ADAMTS16: variants seen among roughly 807,000 people sequenced by gnomAD.
The protein encoded by ADAMTS16 is A disintegrin and metalloproteinase with thrombospondin motifs 16.
A neutral mutation model predicts 145.8 loss-of-function variants in ADAMTS16; 94 were observed. The observed-to-expected ratio is 0.64, with a 90% CI of 0.55 to 0.77. The LOEUF is 0.77. ADAMTS16 is among the 30% of genes least tolerant of loss of function. The pLI is 0.00. For synonymous variants in ADAMTS16, 659 were observed against 604.3 expected (o/e 1.09, Z -1.33); for missense variants, 1,585 against 1,591.5 (o/e 1.00, Z 0.07).
chr5:5,268,060 G>C (rs565369012), intron 18 of ADAMTS16, among the ~76,000 whole-genome samples: 1 of 152,138 alleles, frequency 6.6e-6, no homozygotes, highest in African/African-American at 2.4e-5. Context: ...TTATGCCTCA[G>C]TTTGCCTGGC....
chr5:5,239,922 G>A lies in ADAMTS16; in HGVS notation c.2520G>A (p.Val840=). ...ATGPTNETLI[V]ELLFQGRNPG... is the part of the protein sequence containing the mutation. ...GACCAACCAACGAGACACTGATTGTGGAGGTAAAGTCCAGCCTCTTGATTT... is the reference window on the plus strand; with the variant it reads ...GACCAACCAACGAGACACTGATTGTAGAGGTAAAGTCCAGCCTCTTGATTT... Residue 840 remains valine (V), a synonymous_variant, in exon 16 of 23, where the codon GTG becomes GTA. Transcript: ENST00000274181. 7 of 1,613,690 alleles carry A rather than the reference G, an allele frequency of 4.3e-6. No individual in the cohort carries two copies. The highest frequency in any genetic ancestry group is 5.9e-6 in the Non-Finnish European group (7 of 1,179,778).
At chr5:5,303,810 C>A in intron 20 of ADAMTS16, 44 bp downstream of exon 20, 1 of 1,591,482 alleles carries the variant, frequency 6.3e-7, no homozygotes, top group Non-Finnish European at 8.6e-7. Context: ...CTAGCTCTCC[C>A]CTCGGGACTG....
chr5:5,158,135 C>T (rs948047264), intron 3 of ADAMTS16, among the ~76,000 whole-genome samples: 23 of 152,216 alleles, frequency 1.5e-4, no homozygotes, highest in Admixed American at 7.2e-4. Context: ...ATCCATACTA[C>T]ACCTTATTTT....
In ADAMTS16 at chr5:5,319,754, A is replaced by G; in HGVS notation, c.*616A>G. ...CATCTCTAGGGTCACTGGCCAGGGG[A>G]CTGCATTCTGGTTTGGGACTTTGCC... On this transcript the variant is annotated 3_prime_UTR_variant, in exon 23 of 23. Transcript: ENST00000274181. The G allele has an allele frequency of 2.4e-6, 1 of 420,036 alleles. No homozygotes were observed. 26.0% of individuals were successfully genotyped at this position (420,036 alleles called of 1,614,324 possible).
intron 17 of ADAMTS16, among the ~76,000 whole-genome samples, chr5:5,244,552 A>C (rs1377937333): frequency 6.6e-6 from 1 of 152,190 alleles, no homozygotes; most frequent in Non-Finnish European, 1.5e-5. Context: ...TTGTATGAAT[A>C]CCAATGCCTG....
intron 10 of ADAMTS16, among the ~76,000 whole-genome samples, chr5:5,213,656 G>A (rs565456721): frequency 1.4e-4 from 21 of 152,170 alleles, no homozygotes; most frequent in African/African-American, 4.8e-4. Flanking sequence ...TGGTGTAGCC[G>A]GTACTCTCGT....
At chr5:5,258,269 G>C (rs1401640461) in intron 17 of ADAMTS16, among the ~76,000 whole-genome samples, 1 of 152,206 alleles carries the variant, frequency 6.6e-6, no homozygotes, top group Non-Finnish European at 1.5e-5. Flanking sequence ...AGAGATCACA[G>C]GGGTCTTAGG....
chr5:5,308,621 T>A (rs759499434), intron 21 of ADAMTS16, among the ~76,000 whole-genome samples: 4 of 152,146 alleles, frequency 2.6e-5, no homozygotes, highest in Non-Finnish European at 4.4e-5. Flanking sequence ...ACGCTTCCCA[T>A]CCCATTGTGG....
intron 4 of ADAMTS16, among the ~76,000 whole-genome samples, chr5:5,183,882 A>G (rs749481298): frequency 5.1e-4 from 78 of 152,356 alleles, no homozygotes; most frequent in Non-Finnish European, 1.0e-3. Context: ...ACTCTATAAC[A>G]CATTCTGTAT....
chr5:5,204,584 T>A (rs1415169171), intron 9 of ADAMTS16, among the ~76,000 whole-genome samples: 1 of 152,242 alleles, frequency 6.6e-6, no homozygotes, highest in Non-Finnish European at 1.5e-5. Context: ...AGATTCATCC[T>A]TGTTGCTGCA....
At chr5:5,184,129 C>T (rs191971547) in intron 4 of ADAMTS16, among the ~76,000 whole-genome samples, 232 of 152,300 alleles carry the variant, frequency 1.5e-3, no homozygotes, top group African/African-American at 5.1e-3. Flanking sequence ...GCGCTGCTTC[C>T]TACTGGAGCG....
rs764397980 is a variant in ADAMTS16, at chr5:5,250,736, T to TGTGTGTGTGTGCGC, written c.2662+8546_2662+8547insTGTGTGTGTGCGCG. Among the ~76,000 whole-genome samples, 69 of 141,918 alleles carry TGTGTGTGTGTGCGC rather than the reference T, an allele frequency of 4.9e-4. 1 individual carries two copies. The highest frequency in any genetic ancestry group is 2.6e-3 in the Admixed American group (37 of 14,240). 93.1% of individuals were successfully genotyped at this position (141,918 alleles called of 152,430 possible). A position where few individuals can be genotyped will look rare whatever the true frequency, so the allele number is the denominator to read the frequency against. ...GTGTGTGTGTGTGTGTGTGTGTGTGTGCGCGCACTCCTGGAGAGGCACAGA... is the reference window on the plus strand; with the variant it reads ...GTGTGTGTGTGTGTGTGTGTGTGTGTGTGTGTGTGTGCGCGCGCGCACTCCTGGAGAGGCACAGA... On this transcript the variant is annotated intron_variant, in intron 17 of 22. Transcript: ENST00000274181.
intron 3 of ADAMTS16, among the ~76,000 whole-genome samples, chr5:5,147,508 TA>T (rs998831282): frequency 6.6e-5 from 10 of 152,330 alleles, no homozygotes; most frequent in East Asian, 1.9e-4. Flanking sequence ...CTAAATCCTG[TA>T]AAAAAATTTT....
At chr5:5,240,026 A>G (rs1737239624) in intron 16 of ADAMTS16, 101 bp downstream of exon 16, 4 of 1,506,930 alleles carry the variant, frequency 2.7e-6, no homozygotes, top group Middle Eastern at 2.3e-4. Context: ...GAATGTAAAC[A>G]GTTATAAAAA....
chr5:5,178,076 T>A (rs1205400962), intron 3 of ADAMTS16, among the ~76,000 whole-genome samples: 1 of 152,258 alleles, frequency 6.6e-6, no homozygotes, highest in Non-Finnish European at 1.5e-5. Context: ...TAATGATGAA[T>A]GCCAACAAAT....
At chr5:5,221,186 C>G (rs1424666231) in intron 10 of ADAMTS16, among the ~76,000 whole-genome samples, 2 of 152,040 alleles carry the variant, frequency 1.3e-5, no homozygotes, top group East Asian at 3.9e-4. Flanking sequence ...TAGAGCTGGC[C>G]AGTTGTCTGT....
At chr5:5,313,759 C>T (rs1446928917) in intron 21 of ADAMTS16, among the ~76,000 whole-genome samples, 2 of 152,262 alleles carry the variant, frequency 1.3e-5, no homozygotes. Flanking sequence ...CAAGTGCACA[C>T]GGGAGCACAC....
chr5:5,200,062 T>C lies in ADAMTS16; in HGVS notation c.1314-70T>C. The stretch of plus-strand genomic sequence containing the variant: ...TCTCACAGTCTTGACTTGTAATTGT[T>C]AGAGGGTATCAGATAATTTAAACTG... On this transcript the variant is annotated intron_variant, in intron 8 of 22. Transcript: ENST00000274181. 3 of 1,500,306 alleles carry C rather than the reference T, an allele frequency of 2.0e-6. No homozygotes were observed. In the South Asian group the frequency reaches 3.9e-5, roughly 20 times the overall value. 92.9% of individuals were successfully genotyped at this position (1,500,306 alleles called of 1,614,324 possible).
chr5:5,194,869 A>G (rs973148805), intron 8 of ADAMTS16, among the ~76,000 whole-genome samples: 1 of 152,200 alleles, frequency 6.6e-6, no homozygotes, highest in Admixed American at 6.5e-5. Flanking sequence ...ACTATTAAAA[A>G]ACGTGTAAAA....
Sources: allele counts gnomAD v4.1 joint callset (sites outside exome capture counted in the v4.1 genomes callset), GRCh38; gene constraint gnomAD v4.1.1; transcripts MANE v1.5; gene names NCBI Gene and HGNC (gene_info 2026-07-23, HGNC 2026-07-21).